The following NOC3L variants were observed in gnomAD, a reference collection of about 807,000 sequenced individuals.
The protein encoded by NOC3L is nucleolar complex protein 3 homolog.
NOC3L carries 85 observed loss-of-function variants against 102.5 expected under a neutral mutation model. The observed-to-expected ratio is 0.83, with a 90% CI of 0.70 to 0.99. The LOEUF is 0.99. Ranked by LOEUF, NOC3L falls within the 50% of genes least tolerant of loss-of-function variation. NOC3L has a pLI of 0.00. For synonymous variants in NOC3L, 303 were observed against 309.4 expected (o/e 0.98, Z 0.22); for missense variants, 878 against 914.9 (o/e 0.96, Z 0.52).
the NOC3L span, among the ~76,000 whole-genome samples, chr10:94,323,247 C>G: frequency 6.6e-6 from 1 of 152,158 alleles, no homozygotes. Context: ...AGTTTGCTTC[C>G]TTCATAGCCT....
intron 13 of NOC3L, 59 bp from the exon 14 acceptor site, chr10:94,341,804 A>G: frequency 2.0e-6 from 2 of 998,082 alleles, no homozygotes; most frequent in South Asian, 3.3e-5. Flanking sequence ...GCTGGTAGAA[A>G]TTAAGCTTGA....
At chr10:94,316,583 A>G in the NOC3L span, 1 of 1,609,266 alleles carries the variant, frequency 6.2e-7, no homozygotes, top group Non-Finnish European at 8.5e-7. Context: ...ACCTGTTACC[A>G]CAGACTATTT....
chr10:94,359,378 C>G (rs1183555055), intron 2 of NOC3L, among the ~76,000 whole-genome samples: 1 of 151,356 alleles, frequency 6.6e-6, no homozygotes, highest in Non-Finnish European at 1.5e-5. Flanking sequence ...ATGAGCAGAG[C>G]AGAGATTGCA....
chr10:94,320,125 T>G, the NOC3L span, among the ~76,000 whole-genome samples: 1 of 152,120 alleles, frequency 6.6e-6, no homozygotes, highest in African/African-American at 2.4e-5. Context: ...GTGAATTACC[T>G]CTCAATCTTA....
chr10:94,361,953 A>G lies in NOC3L; in HGVS notation c.10-81T>C, dbSNP rs776030509. The G allele has an allele frequency of 4.8e-6, 5 of 1,042,082 alleles. No individual in the cohort carries two copies. The South Asian group carries it at 6.7e-5, about 14-fold the overall frequency. The allele number at this position is 1,042,082 out of a possible 1,614,324, so 64.6% of individuals were successfully genotyped here. ...TTAAAGAGAACTGATTACAAATTTC[A>G]TTAGACCAATTCCACAATTTCAATG... On this transcript the variant is annotated intron_variant, in intron 1 of 20. Transcript: ENST00000371361.
chr10:94,347,403 A>G (rs2054356940), intron 10 of NOC3L, among the ~76,000 whole-genome samples: 1 of 152,176 alleles, frequency 6.6e-6, no homozygotes, highest in Non-Finnish European at 1.5e-5. Flanking sequence ...TCACCTACCA[A>G]CGAAAAATAA....
chr10:94,325,178 C>T, the NOC3L span: 2 of 1,073,448 alleles, frequency 1.9e-6, no homozygotes, highest in Admixed American at 1.8e-5. Flanking sequence ...ATAATTAGTA[C>T]AATGTCTTTT....
chr10:94,330,597 G>A (rs2054147081), downstream of NOC3L: 1 of 151,878 alleles, frequency 6.6e-6, no homozygotes, highest in African/African-American at 2.4e-5. Context: ...GGCTGAGGCA[G>A]GAGAGAATTG....
In NOC3L at chr10:94,349,242, AG is replaced by A; in HGVS notation, c.1257+7del. The A allele has an allele frequency of 1.9e-6, 3 of 1,558,536 alleles. No homozygotes were observed. Among genetic ancestry groups the A allele is most frequent in the East Asian group, 2.3e-5 (1 of 43,434 alleles). On this transcript the variant is annotated splice_region_variant and intron_variant, in intron 10 of 20. Transcript: ENST00000371361. ...AACAAAATGCAAAGTAAAAAAAAAA[AG>A]GCTCACCTCTGGCCTAACTTCGTAA... is the stretch of plus-strand genomic sequence containing the variant.
At chr10:94,329,807 A>AAAC (rs2054137702), downstream of NOC3L, 1 of 150,054 alleles carries the variant, frequency 6.7e-6, no homozygotes, top group Non-Finnish European at 1.5e-5. Context: ...AAAAAAAAAA[A>AAAC]AAAACACCAT....
chr10:94,326,513 G>T, the NOC3L span, among the ~76,000 whole-genome samples: 1 of 152,138 alleles, frequency 6.6e-6, no homozygotes, highest in African/African-American at 2.4e-5. Context: ...TATAACTTCT[G>T]TAATGAGGTG....
chr10:94,342,553 T>TACACACACAC lies in NOC3L; in HGVS notation c.1572-818_1572-809dup, dbSNP rs3052367. Among the ~76,000 whole-genome samples the TACACACACAC allele has an allele frequency of 1.8e-3, 262 of 148,184 alleles. 4 individuals carry two copies. In the East Asian group the frequency reaches 0.027, roughly 15 times the overall value. On this transcript the variant is annotated intron_variant, in intron 13 of 20. Transcript: ENST00000371361. ...CTACATGCACACACATGCATGAAGATACACACACACACACACACACACACA... is the reference window on the plus strand; with the variant it reads ...CTACATGCACACACATGCATGAAGATACACACACACACACACACACACACACACACACACA...
At chr10:94,316,638 G>A in the NOC3L span, 2 of 1,610,682 alleles carry the variant, frequency 1.2e-6, no homozygotes, top group Non-Finnish European at 1.7e-6. Flanking sequence ...AAGAATGAAT[G>A]TAGGAAACAA....
At chr10:94,320,316 T>C in the NOC3L span, among the ~76,000 whole-genome samples, 3 of 152,136 alleles carry the variant, frequency 2.0e-5, no homozygotes, top group African/African-American at 4.8e-5. Flanking sequence ...ATGGATTTTT[T>C]CACTCATTGA....
At chr10:94,357,984 T>C (rs1047194641) in intron 3 of NOC3L, 99 bp downstream of exon 3, 4 of 738,082 alleles carry the variant, frequency 5.4e-6, no homozygotes, top group Non-Finnish European at 9.6e-6. Flanking sequence ...GTAAACATTG[T>C]GCTCAAAGGT....
intron 13 of NOC3L, among the ~76,000 whole-genome samples, 157 bp from the exon 14 acceptor site, chr10:94,341,902 T>G (rs984253107): frequency 1.3e-5 from 2 of 152,246 alleles, no homozygotes; most frequent in Non-Finnish European, 2.9e-5. Context: ...TTAATTCAGA[T>G]TGGCCTCTTC....
In NOC3L at chr10:94,346,391, A is replaced by T. The variant is rs181576321; in HGVS notation, c.1389+34T>A. The T allele has an allele frequency of 2.5e-5, 36 of 1,416,608 alleles. No individual in the cohort carries two copies. In the African/African-American group the frequency reaches 4.6e-4, roughly 18 times the overall value. 87.8% of individuals were successfully genotyped at this position (1,416,608 alleles called of 1,614,324 possible). A position where few individuals can be genotyped will look rare whatever the true frequency, so the allele number is the denominator to read the frequency against. On this transcript the variant is annotated intron_variant, in intron 11 of 20. Transcript: ENST00000371361. ...TAATCTAAGATCAAATAAACAGAAAATTTAAATGAAACAAAAGGGGAAATA... is the reference window on the plus strand; with the variant it reads ...TAATCTAAGATCAAATAAACAGAAATTTTAAATGAAACAAAAGGGGAAATA...
At chr10:94,348,127 TATAA>T (rs1396894526) in intron 10 of NOC3L, among the ~76,000 whole-genome samples, 2 of 149,502 alleles carry the variant, frequency 1.3e-5, no homozygotes, top group Non-Finnish European at 3.0e-5. Context: ...ATATACATAA[TATAA>T]ATATTCAATA....
chr10:94,357,043 G>A, intron 4 of NOC3L, 131 bp downstream of exon 4: 1 of 628,870 alleles, frequency 1.6e-6, no homozygotes, highest in Non-Finnish European at 2.5e-6. Flanking sequence ...CATCAAGCTT[G>A]CTATAAGACT....
Sources: gnomAD v4.1 joint callset for allele counts (sites outside exome capture counted in the v4.1 genomes callset) on GRCh38, gnomAD v4.1.1 for gene constraint, MANE v1.5 for transcripts, NCBI Gene and HGNC (gene_info 2026-07-23, HGNC 2026-07-21) for gene names.